Variants in MSTO1 observed in about 807,000 individuals in gnomAD.
The protein encoded by MSTO1 is protein misato homolog 1.
MSTO1 carries 24 observed loss-of-function variants against 55.7 expected under a neutral mutation model. The observed-to-expected ratio is 0.43, with a 90% CI of 0.31 to 0.61. The LOEUF is 0.61. Among genes scored for constraint, MSTO1 ranks in the 20% least tolerant of loss-of-function variants. MSTO1 has a pLI of 0.09. For missense variants in MSTO1, 363 were observed against 625.7 expected (o/e 0.58, Z 4.48); for synonymous variants, 162 against 252.8 (o/e 0.64, Z 3.41).
the MSTO1 span, among the ~76,000 whole-genome samples, chr1:155,567,662 CT>C: frequency 6.6e-6 from 1 of 151,866 alleles, no homozygotes; most frequent in African/African-American, 2.4e-5. Flanking sequence ...TCTTGAACTC[CT>C]GGCCTTAGGT....
chr1:155,601,446 T>A, the MSTO1 span, among the ~76,000 whole-genome samples: 1 of 152,082 alleles, frequency 6.6e-6, no homozygotes, highest in South Asian at 2.1e-4. Context: ...CTGATTTATA[T>A]ATTGATTCTA....
the MSTO1 span, among the ~76,000 whole-genome samples, chr1:155,600,556 C>CTTTCTTTTTTTTTTT: frequency 6.7e-6 from 1 of 149,892 alleles, no homozygotes; most frequent in African/African-American, 2.5e-5. Flanking sequence ...TTTTTTCTTT[C>CTTTCTTTTTTTTTTT]TTTTTTTTTG....
At chr1:155,567,965 C>G in the MSTO1 span, among the ~76,000 whole-genome samples, 240 of 151,582 alleles carry the variant, frequency 1.6e-3, no homozygotes, top group African/African-American at 5.6e-3. Context: ...TTGAACCCAG[C>G]AGGTAGAGGT....
the MSTO1 span, chr1:155,563,968 C>T: frequency 1.1e-5 from 2 of 178,248 alleles, no homozygotes; most frequent in South Asian, 9.0e-5. Flanking sequence ...TCTGTGGCTA[C>T]TGAATATTTG....
the MSTO1 span, among the ~76,000 whole-genome samples, chr1:155,582,138 G>T: frequency 6.6e-6 from 1 of 151,850 alleles, no homozygotes; most frequent in African/African-American, 2.4e-5. Context: ...ATGATCGCCC[G>T]CCTCGGCCTC....
the MSTO1 span, chr1:155,598,963 G>T: frequency 2.7e-6 from 3 of 1,112,134 alleles, no homozygotes; most frequent in Non-Finnish European, 2.7e-6. Context: ...CAGTTATCTT[G>T]TTACCGTGGT....
chr1:155,577,639 G>C, the MSTO1 span, among the ~76,000 whole-genome samples: 1 of 152,152 alleles, frequency 6.6e-6, no homozygotes, highest in Non-Finnish European at 1.5e-5. Flanking sequence ...TAGCTTTATC[G>C]TAAGTTTTGG....
rs1674136228 is a variant in MSTO1, at chr1:155,611,839, C to A, written c.560+12C>A. 1.5e-6 allele frequency: 1 copy of A among 654,380 alleles called. No homozygotes were observed. 40.5% of individuals were successfully genotyped at this position (654,380 alleles called of 1,614,324 possible). ...TACAACCACGATGGGTATGGGGACC[C>A]CAGAGGCTTTGAGGCAAGAAACATG... On this transcript the variant is annotated intron_variant, in intron 6 of 13. Transcript: ENST00000245564.
At chr1:155,590,848 G>C in the MSTO1 span, 1 of 1,609,306 alleles carries the variant, frequency 6.2e-7, no homozygotes, top group Non-Finnish European at 8.5e-7. Context: ...GGCATGCGCC[G>C]TCCAGCAAAC....
chr1:155,589,590 G>T, the MSTO1 span, among the ~76,000 whole-genome samples: 1 of 152,228 alleles, frequency 6.6e-6, no homozygotes, highest in Non-Finnish European at 1.5e-5. Flanking sequence ...TAGGGAAGCT[G>T]ACAGTGCAGC....
At chr1:155,566,273 G>A in the MSTO1 span, 1 of 152,208 alleles carries the variant, frequency 6.6e-6, no homozygotes. Context: ...ACATCCAGGA[G>A]TTTCTTCTCC....
At chr1:155,582,711 G>A in the MSTO1 span, among the ~76,000 whole-genome samples, 8 of 151,872 alleles carry the variant, frequency 5.3e-5, no homozygotes, top group Admixed American at 5.3e-4. Context: ...CACCTGCCTC[G>A]GCCTCCCAAA....
At position 155,614,867 on chromosome 1, in the gene MSTO1, A is replaced by T; in HGVS notation, c.*594A>T. ...TGCATGAGTTCTCGAAAATGGTGGG[A>T]AACCTAAGAAAGGAGGAGGGCTGTA... On this transcript the variant is annotated 3_prime_UTR_variant, in exon 14 of 14. Transcript: ENST00000245564. 6.4e-7 allele frequency: 1 copy of T among 1,568,558 alleles called. No individual in the cohort carries two copies. Among genetic ancestry groups the T allele is most frequent in the Non-Finnish European group, 8.7e-7 (1 of 1,154,534 alleles).
At chr1:155,583,010 C>T in the MSTO1 span, among the ~76,000 whole-genome samples, 1 of 150,778 alleles carries the variant, frequency 6.6e-6, no homozygotes, top group Non-Finnish European at 1.5e-5. Flanking sequence ...AGACTACAGG[C>T]ACAGACCACC....
At chr1:155,591,169 C>T in the MSTO1 span, 1 of 1,613,330 alleles carries the variant, frequency 6.2e-7, no homozygotes, top group Non-Finnish European at 8.5e-7. Context: ...AAAGTGGTCA[C>T]TTTCCACATG....
the MSTO1 span, among the ~76,000 whole-genome samples, chr1:155,568,704 C>T: frequency 6.6e-4 from 100 of 152,176 alleles, no homozygotes; most frequent in Middle Eastern, 3.4e-3. Flanking sequence ...TCCCAAAGTG[C>T]TGGGATTACA....
At chr1:155,590,434 G>A in the MSTO1 span, among the ~76,000 whole-genome samples, 1 of 152,280 alleles carries the variant, frequency 6.6e-6, no homozygotes. Flanking sequence ...CTAAGTGGGA[G>A]TCTGAGTCAT....
In MSTO1 at chr1:155,614,726, C is replaced by G. The variant is rs911039566; in HGVS notation, c.*453C>G. 36 of 1,574,530 alleles carry G rather than the reference C, an allele frequency of 2.3e-5. No individual in the cohort carries two copies. The highest frequency in any genetic ancestry group is 3.0e-5 in the Non-Finnish European group (34 of 1,145,604). On this transcript the variant is annotated 3_prime_UTR_variant, in exon 14 of 14. Transcript: ENST00000245564. The stretch of plus-strand genomic sequence containing the variant: ...TGTAGATGATTCCCAGAGTCTCATT[C>G]ATCCAGCTCCTCTTCAGACAGAAGG...
At chr1:155,588,541 C>G in the MSTO1 span, among the ~76,000 whole-genome samples, 1 of 152,110 alleles carries the variant, frequency 6.6e-6, no homozygotes, top group Admixed American at 6.6e-5. Context: ...AGGTAACTTA[C>G]CTGAGGAAAT....
Sources: allele counts gnomAD v4.1 joint callset (sites outside exome capture counted in the v4.1 genomes callset), GRCh38; gene constraint gnomAD v4.1.1; transcripts MANE v1.5; gene names NCBI Gene and HGNC (gene_info 2026-07-23, HGNC 2026-07-21).